SYAP1: variants seen among roughly 807,000 people sequenced by gnomAD.
SYAP1 encodes synapse-associated protein 1.
Under a neutral mutation model 29.6 loss-of-function variants are expected in SYAP1, and 3 were observed. That is an observed-to-expected ratio of 0.10 (90% CI 0.05 to 0.26). The LOEUF (loss-of-function observed/expected upper bound fraction) is 0.26, where lower values mean the gene tolerates loss of function less well. Among genes scored for constraint, SYAP1 ranks in the 10% least tolerant of loss-of-function variants. SYAP1 has a pLI of 1.00. For synonymous variants in SYAP1, 102 were observed against 102.7 expected, an observed-to-expected ratio of 0.99 and a Z score of 0.04; for missense variants, 217 against 264.1, an observed-to-expected ratio of 0.82 and a Z score of 1.24.
chrX:16,746,938 C>T (rs1926622925), intron 5 of SYAP1, among the ~76,000 whole-genome samples: 1 of 111,547 alleles, frequency 9.0e-6, no homozygotes, highest in Non-Finnish European at 1.9e-5. Flanking sequence ...TACATATGCT[C>T]ACAAAATCAT....
At chrX:16,731,651 C>T (rs1055576034) in intron 1 of SYAP1, among the ~76,000 whole-genome samples, 4 of 111,894 alleles carry the variant, frequency 3.6e-5, no homozygotes, top group African/African-American at 1.3e-4. Flanking sequence ...TTAAAAATTA[C>T]ACAAGCAGCC....
chrX:16,740,068 C>T (rs1280014515), intron 3 of SYAP1, among the ~76,000 whole-genome samples: 1 of 110,875 alleles, frequency 9.0e-6, no homozygotes, highest in African/African-American at 3.3e-5. Flanking sequence ...TGTTTCCACT[C>T]TAAACACCCC....
At chrX:16,728,198 A>G (rs1179194248) in intron 1 of SYAP1, among the ~76,000 whole-genome samples, 2 of 111,404 alleles carry the variant, frequency 1.8e-5, no homozygotes, top group Non-Finnish European at 1.9e-5. Flanking sequence ...CCAGTCTCCT[A>G]TTCAGTTCAT....
chrX:16,748,373 T>C (rs1360028017), intron 5 of SYAP1, among the ~76,000 whole-genome samples: 1 of 112,839 alleles, frequency 8.9e-6, no homozygotes, highest in Non-Finnish European at 1.9e-5. Flanking sequence ...TCCAGACTTT[T>C]CCTGCCTGAC....
At chrX:16,734,869 G>A (rs891421956) in intron 1 of SYAP1, among the ~76,000 whole-genome samples, 1 of 108,344 alleles carries the variant, frequency 9.2e-6, no homozygotes, top group African/African-American at 3.4e-5. Flanking sequence ...CATGGTGGCA[G>A]GCGTCTGTAG....
intron 8 of SYAP1, among the ~76,000 whole-genome samples, chrX:16,759,587 C>T (rs987890272): frequency 1.8e-5 from 2 of 111,229 alleles, no homozygotes; most frequent in African/African-American, 6.5e-5. Flanking sequence ...ACTTCAGACC[C>T]CGGTGTCTGT....
At chrX:16,733,716 A>G (rs1426177601) in intron 1 of SYAP1, among the ~76,000 whole-genome samples, 2 of 105,647 alleles carry the variant, frequency 1.9e-5, no homozygotes, top group Non-Finnish European at 3.9e-5. Context: ...CCCAGGCTAG[A>G]GTGTAGTGGC....
chrX:16,719,627 G>C lies in SYAP1; in HGVS notation c.-98G>C, dbSNP rs1352873077. 5.0e-6 allele frequency: 5 copies of C among 1,008,555 alleles called. No individual in the cohort carries two copies. The highest frequency in any genetic ancestry group is 6.5e-6 in the Non-Finnish European group (5 of 766,075). The allele number at this position is 1,008,555 out of a possible 1,213,427, so 83.1% of individuals were successfully genotyped here. On this transcript the variant is annotated 5_prime_UTR_variant, in exon 1 of 9. Transcript: ENST00000380155. The stretch of plus-strand genomic sequence containing the variant: ...CGGCTGCGGTGTTCCTCCGACTTCC[G>C]GACATCTCCCTGGGAGTCGCGCAGA...
intron 5 of SYAP1, among the ~76,000 whole-genome samples, chrX:16,745,449 GT>G (rs1926577618): frequency 8.9e-6 from 1 of 111,753 alleles, no homozygotes; most frequent in South Asian, 3.7e-4. Flanking sequence ...GTAGACTACT[GT>G]TTGCCTAGGC....
chrX:16,746,423 G>A (rs754620686), intron 5 of SYAP1, among the ~76,000 whole-genome samples: 159 of 109,393 alleles, frequency 1.5e-3, no homozygotes, highest in African/African-American at 4.9e-3. Flanking sequence ...TTTTAGTAGA[G>A]ATGGGGTTTC....
chrX:16,746,041 T>C (rs1371169690), intron 5 of SYAP1, among the ~76,000 whole-genome samples: 1 of 109,927 alleles, frequency 9.1e-6, no homozygotes, highest in Non-Finnish European at 1.9e-5. Flanking sequence ...GAAGTGTTCT[T>C]CCAGACTCAG....
chrX:16,760,090 T>A lies in SYAP1; in HGVS notation c.932-142T>A, dbSNP rs954480577. On this transcript the variant is annotated intron_variant, in intron 8 of 8. Transcript: ENST00000380155. Reference sequence around the variant, plus strand: ...ACTGTTAAAATTTACTGAGTTTTTCTGAGCACACATAGTAGTGAAGCCTGA... The same window carrying A: ...ACTGTTAAAATTTACTGAGTTTTTCAGAGCACACATAGTAGTGAAGCCTGA... 3.3e-4 allele frequency: 159 copies of A among 484,401 alleles called. No homozygotes were observed. In the African/African-American group the frequency reaches 3.6e-3, roughly 11 times the overall value. The allele number at this position is 484,401 out of a possible 1,213,427, so 39.9% of individuals were successfully genotyped here.
intron 3 of SYAP1, among the ~76,000 whole-genome samples, chrX:16,739,812 G>T (rs931645781): frequency 2.5e-4 from 28 of 111,713 alleles, no homozygotes; most frequent in Non-Finnish European, 4.7e-4. Context: ...TGCAAGACCA[G>T]TAGGGCTAGA....
In SYAP1 at chrX:16,761,464, C is replaced by T. The variant is rs1235505107; in HGVS notation, c.*1105C>T. The stretch of plus-strand genomic sequence containing the variant: ...TGTGAGTCTTCATAAAATTGTGTTC[C>T]TCCGAGTTCACCTTCTAGGACTTTA... On this transcript the variant is annotated 3_prime_UTR_variant, in exon 9 of 9. Coordinates refer to ENST00000380155, the MANE Select transcript of SYAP1 (RefSeq NM_032796.4). 9.0e-6 allele frequency: 1 copy of T among 111,375 alleles called. No homozygotes were observed. The highest frequency in any genetic ancestry group is 3.3e-5 in the African/African-American group (1 of 30,634). 9.2% of individuals were successfully genotyped at this position (111,375 alleles called of 1,213,427 possible).
chrX:16,752,747 T>G (rs1926763733), intron 5 of SYAP1, among the ~76,000 whole-genome samples: 1 of 111,469 alleles, frequency 9.0e-6, no homozygotes, highest in African/African-American at 3.3e-5. Flanking sequence ...TTTGTCCCAT[T>G]ACTGTTCATA....
intron 5 of SYAP1, among the ~76,000 whole-genome samples, chrX:16,750,369 G>T (rs954639822): frequency 9.0e-6 from 1 of 111,626 alleles, no homozygotes; most frequent in Non-Finnish European, 1.9e-5. Context: ...TACAACAGTT[G>T]TGTGGCCACA....
chrX:16,731,819 A>G (rs2147419270), intron 1 of SYAP1, among the ~76,000 whole-genome samples: 1 of 111,331 alleles, frequency 9.0e-6, no homozygotes, highest in Non-Finnish European at 1.9e-5. Context: ...AGACACCTGT[A>G]ATCCCAGCCA....
intron 5 of SYAP1, among the ~76,000 whole-genome samples, chrX:16,745,917 A>G (rs1488631633): frequency 9.1e-6 from 1 of 110,490 alleles, no homozygotes; most frequent in Non-Finnish European, 1.9e-5. Context: ...GCACAGATGA[A>G]CACATGTTTG....
chrX:16,732,642 T>A (rs976076897), intron 1 of SYAP1, among the ~76,000 whole-genome samples: 1 of 112,258 alleles, frequency 8.9e-6, no homozygotes, highest in African/African-American at 3.2e-5. Flanking sequence ...AAGGCCTATA[T>A]TAGTGAGACC....
Sources: allele counts gnomAD v4.1 joint callset (sites outside exome capture counted in the v4.1 genomes callset), GRCh38; gene constraint gnomAD v4.1.1; transcripts MANE v1.5; gene names NCBI Gene and HGNC (gene_info 2026-07-23, HGNC 2026-07-21).